Variants in MYLK observed in about 807,000 individuals in gnomAD.
MYLK encodes the protein myosin light chain kinase.
In MYLK, 106 loss-of-function variants were observed where a neutral mutation model predicts 203.4. The ratio of observed to expected loss-of-function variants is 0.52; its 90% confidence interval spans 0.45 to 0.61. MYLK has a LOEUF of 0.61. Among genes scored for constraint, MYLK ranks in the 20% least tolerant of loss-of-function variants. The pLI, the probability that MYLK is intolerant of heterozygous loss-of-function variation, is 0.00. For synonymous variants in MYLK, 867 were observed against 959.5 expected (o/e 0.90, Z 1.78); for missense variants, 2,072 against 2,442.3 (o/e 0.85, Z 3.20).
chr3:123,798,411 TG>T (rs1278700249), intron 3 of MYLK, among the ~76,000 whole-genome samples: 1 of 152,110 alleles, frequency 6.6e-6, no homozygotes, highest in Non-Finnish European at 1.5e-5. Flanking sequence ...CTGTCAGGCC[TG>T]GCTTTGAAGA....
chr3:123,866,924 G>A (rs760944376), intron 2 of MYLK, among the ~76,000 whole-genome samples: 3 of 152,082 alleles, frequency 2.0e-5, no homozygotes, highest in South Asian at 2.1e-4. Flanking sequence ...GACTTAACCT[G>A]AGATCTGCAT....
intron 2 of MYLK, among the ~76,000 whole-genome samples, chr3:123,865,973 G>C (rs941199281): frequency 1.3e-5 from 2 of 152,180 alleles, no homozygotes; most frequent in African/African-American, 4.8e-5. Context: ...GAGGCCATAT[G>C]TAGGCACTCT....
intron 23 of MYLK, among the ~76,000 whole-genome samples, chr3:123,660,665 AAAAG>A (rs2059533950): frequency 6.6e-6 from 1 of 152,236 alleles, no homozygotes; most frequent in Non-Finnish European, 1.5e-5. Flanking sequence ...AGAGGATCTG[AAAAG>A]AAAGTGGCCC....
rs188867616 is a variant in MYLK at position 123,835,386 on chromosome 3, G to A, written c.-126-3716C>T. On this transcript the variant is annotated intron_variant, in intron 2 of 33. Transcript: ENST00000360304. ...TAGAGTTTCTATTAGGCTCAGAGAC[G>A]GAGGGGAATATTTGAATATGTCTGT... 4.6e-5 allele frequency among the ~76,000 whole-genome samples: 7 copies of A among 152,188 alleles called. No homozygotes were observed. In the East Asian group the frequency reaches 9.7e-4, roughly 21 times the overall value.
At chr3:123,740,117 G>A (rs2062812985) in intron 5 of MYLK, 116 bp from the exon 6 acceptor site, 6 of 968,460 alleles carry the variant, frequency 6.2e-6, no homozygotes, top group East Asian at 2.4e-5. Context: ...AATCTTGACT[G>A]AGCATGGGCT....
At chr3:123,753,476 CTTT>C (rs5852362) in intron 4 of MYLK, among the ~76,000 whole-genome samples, 22 of 120,858 alleles carry the variant, frequency 1.8e-4, no homozygotes, top group Non-Finnish European at 2.0e-4. Flanking sequence ...TCTGAGTTTC[CTTT>C]TTTTTTTTTT....
At position 123,700,836 on chromosome 3, in the gene MYLK, C is replaced by T. The variant is rs1199400133; in HGVS notation, c.2632G>A (p.Glu878Lys). The change falls in exon 18 of 34, where the codon GAG (glutamate) becomes AAG (lysine). Residue 878 changes from glutamate to lysine, a missense_variant. By Grantham distance (56) the Glu-to-Lys change is moderately conservative (BLOSUM62 1). Around this residue, in one of 3 missense-constraint regions of MYLK, gnomAD observed 865 missense variants for 1,016.0 expected, o/e 0.85. Coordinates refer to ENST00000360304, the MANE Select transcript of MYLK (RefSeq NM_053025.4). ...GCCTCCTCAGTGTGCTGCCTCGTCT[C>T]CACGCGCCTCTTCAGCACCCCTCGC... is the stretch of plus-strand genomic sequence containing the variant. Reference protein sequence around the residue: ...DVRGVLKRRVETRQHTEEAIR... With the variant: ...DVRGVLKRRVKTRQHTEEAIR... 6.2e-7 allele frequency: 1 copy of T among 1,614,108 alleles called. No individual in the cohort carries two copies. The highest frequency in any genetic ancestry group is 8.5e-7 in the Non-Finnish European group (1 of 1,180,032).
intron 4 of MYLK, among the ~76,000 whole-genome samples, chr3:123,780,412 C>G (rs530031614): frequency 4.6e-5 from 7 of 152,208 alleles, no homozygotes; most frequent in African/African-American, 1.7e-4. Context: ...CCAGCCTGGG[C>G]AACAGAGCGA....
chr3:123,770,686 T>C (rs1300213938), intron 4 of MYLK, among the ~76,000 whole-genome samples: 1 of 152,190 alleles, frequency 6.6e-6, no homozygotes, highest in Non-Finnish European at 1.5e-5. Flanking sequence ...ACATAAAGTA[T>C]AGTTGATGGA....
chr3:123,672,923 C>T lies in MYLK; in HGVS notation c.3653-5736G>A, dbSNP rs112791013. Among the ~76,000 whole-genome samples, 1,021 of 152,256 alleles carry T rather than the reference C, an allele frequency of 6.7e-3. 9 individuals are homozygous for T. Among genetic ancestry groups the T allele is most frequent in the African/African-American group, 0.023 (958 of 41,530 alleles). On this transcript the variant is annotated intron_variant, in intron 20 of 33. Coordinates refer to ENST00000360304, the MANE Select transcript of MYLK (RefSeq NM_053025.4). ...CAGAGGGAGCATTTCACTTGGTTCT[C>T]ATCCCAATCAAACACAGCAGGGAGT...
At chr3:123,861,816 A>C (rs2031950631) in intron 2 of MYLK, among the ~76,000 whole-genome samples, 1 of 151,958 alleles carries the variant, frequency 6.6e-6, no homozygotes, top group South Asian at 2.1e-4. Flanking sequence ...AATCCTACAA[A>C]CTCCATTTAA....
Position 123,647,577 on chromosome 3 carries a change from G to C in MYLK, c.4416-150C>G, listed in dbSNP as rs566465808. The C allele has an allele frequency of 5.4e-5, 39 of 724,600 alleles. No individual in the cohort carries two copies. In the Admixed American group the frequency reaches 5.5e-4, roughly 10 times the overall value. 44.9% of individuals were successfully genotyped at this position (724,600 alleles called of 1,614,324 possible). On this transcript the variant is annotated intron_variant, in intron 26 of 33. Transcript: ENST00000360304. ...GGAGCACAGCCCTGCCTGGCTGTTT[G>C]CATGTTGTCTATGGCAGCTTTTGTG...
intron 11 of MYLK, among the ~76,000 whole-genome samples, chr3:123,732,283 G>C (rs553504883): frequency 6.6e-6 from 1 of 152,244 alleles, no homozygotes; most frequent in East Asian, 1.9e-4. Context: ...ATTAGATACA[G>C]CCATTTCATG....
chr3:123,636,997 G>C (rs1374998601), intron 29 of MYLK, among the ~76,000 whole-genome samples: 1 of 152,216 alleles, frequency 6.6e-6, no homozygotes, highest in Non-Finnish European at 1.5e-5. Context: ...TTCTAAACCT[G>C]GCTATGCATC....
intron 2 of MYLK, among the ~76,000 whole-genome samples, chr3:123,851,030 G>C (rs1408678176): frequency 6.6e-6 from 1 of 152,174 alleles, no homozygotes; most frequent in East Asian, 1.9e-4. Flanking sequence ...GTTTTTGTCA[G>C]TTTTGACAAA....
At chr3:123,690,945 C>G (rs907240801) in intron 19 of MYLK, among the ~76,000 whole-genome samples, 1 of 152,004 alleles carries the variant, frequency 6.6e-6, no homozygotes, top group Non-Finnish European at 1.5e-5. Context: ...TTTTAAGTTG[C>G]AGAATGAATT....
chr3:123,761,871 C>CA, intron 4 of MYLK, among the ~76,000 whole-genome samples: 1 of 152,106 alleles, frequency 6.6e-6, no homozygotes, highest in East Asian at 1.9e-4. Flanking sequence ...ACTAAAAATA[C>CA]AAAAAATCAG....
intron 2 of MYLK, among the ~76,000 whole-genome samples, chr3:123,863,306 T>C (rs1270313419): frequency 7.0e-6 from 1 of 143,264 alleles, no homozygotes; most frequent in African/African-American, 2.7e-5. Context: ...AAATGGTGAT[T>C]ATCTTGGTAA....
chr3:123,735,293 T>C, intron 9 of MYLK, 105 bp downstream of exon 9: 7 of 1,473,236 alleles, frequency 4.8e-6, no homozygotes, highest in Non-Finnish European at 6.6e-6. Flanking sequence ...AATGGCCAAT[T>C]CTTCTGCCCC....
Sources: allele counts gnomAD v4.1 joint callset (sites outside exome capture counted in the v4.1 genomes callset), GRCh38; gene constraint gnomAD v4.1.1; regional missense constraint gnomAD v4.1.1; transcripts MANE v1.5; gene names NCBI Gene and HGNC (gene_info 2026-07-23, HGNC 2026-07-21).